Variants in AZIN1 observed in about 807,000 individuals in gnomAD.
AZIN1 encodes the protein ornithine decarboxylase antizyme inhibitor.
Under a neutral mutation model 47.4 loss-of-function variants are expected in AZIN1, and 12 were observed. The ratio of observed to expected loss-of-function variants is 0.25; its 90% CI spans 0.16 to 0.41. The LOEUF is 0.41. Among genes scored for constraint, AZIN1 ranks in the 10% least tolerant of loss-of-function variants. The probability of loss-of-function intolerance (pLI) is 1.00; values close to 1 mark genes in which losing one functional copy is unlikely to be tolerated. For missense variants in AZIN1, 410 were observed against 532.4 expected (o/e 0.77, Z 2.26); for synonymous variants, 155 against 176.3 (o/e 0.88, Z 0.96).
chr8:102,853,072 GAGACCCAAA>G (rs1199203849), intron 2 of AZIN1, among the ~76,000 whole-genome samples: 1 of 152,238 alleles, frequency 6.6e-6, no homozygotes, highest in Non-Finnish European at 1.5e-5. Context: ...GGGGTATGGG[GAGACCCAAA>G]CTGGAAAACT....
At chr8:102,834,547 G>C (rs1811692110) in intron 7 of AZIN1, 119 bp downstream of exon 7, 2 of 740,548 alleles carry the variant, frequency 2.7e-6, no homozygotes, top group Admixed American at 5.7e-5. Context: ...TAATAAAAAT[G>C]AGGTGTGTGT....
chr8:102,839,924 G>A, intron 3 of AZIN1, 101 bp from the exon 4 acceptor site: 2 of 744,340 alleles, frequency 2.7e-6, no homozygotes, highest in Admixed American at 3.2e-5. Flanking sequence ...CAAATATATG[G>A]GTCAAGACAT....
At chr8:102,844,634 TA>T (rs34428083) in intron 2 of AZIN1, among the ~76,000 whole-genome samples, 18,788 of 146,222 alleles carry the variant, frequency 0.13, 1,376 homozygotes, top group Admixed American at 0.24. Flanking sequence ...CAGGTTGTTG[TA>T]AAAAAAAAAA....
At chr8:102,856,000 T>C (rs1243155802) in intron 2 of AZIN1, 2 of 152,046 alleles carry the variant, frequency 1.3e-5, no homozygotes, top group African/African-American at 2.4e-5. Context: ...CCACAATATT[T>C]CTGAAGCAAA....
rs142543030 is a variant in AZIN1, at chr8:102,858,561, T to G, written c.-233-411A>C. On this transcript the variant is annotated intron_variant, in intron 1 of 11. Transcript: ENST00000337198. ...ACAAGACTTTATATGAATAATGTACTAGCATGACCCAATAGTTTGGAACCA... is the reference window on the plus strand; with the variant it reads ...ACAAGACTTTATATGAATAATGTACGAGCATGACCCAATAGTTTGGAACCA... Among the ~76,000 whole-genome samples, 708 of 152,348 alleles carry G rather than the reference T, an allele frequency of 4.6e-3. 6 individuals are homozygous for G. The highest frequency in any genetic ancestry group is 0.016 in the African/African-American group (683 of 41,590).
intron 2 of AZIN1, among the ~76,000 whole-genome samples, chr8:102,857,580 A>C (rs76532439): frequency 6.6e-6 from 1 of 151,490 alleles, no homozygotes; most frequent in Non-Finnish European, 1.5e-5. Context: ...TACCATATAC[A>C]TATTTAGATA....
intron 3 of AZIN1, among the ~76,000 whole-genome samples, chr8:102,840,769 A>G (rs1415643780): frequency 1.3e-5 from 2 of 152,242 alleles, no homozygotes; most frequent in Non-Finnish European, 2.9e-5. Context: ...CCATGAAGAC[A>G]ATGTTACTGT....
At chr8:102,839,971 C>T (rs1812074878) in intron 3 of AZIN1, 148 bp from the exon 4 acceptor site, 1 of 477,956 alleles carries the variant, frequency 2.1e-6, no homozygotes, top group Admixed American at 4.1e-5. Context: ...AGCTTGTTAA[C>T]TAGATTTAGT....
chr8:102,829,705 A>G (rs1274341262), intron 10 of AZIN1, 116 bp downstream of exon 10: 4 of 910,676 alleles, frequency 4.4e-6, no homozygotes, highest in Non-Finnish European at 6.9e-6. Flanking sequence ...CAAATCCTCA[A>G]AAAGGACATT....
chr8:102,857,198 C>A (rs1403816093), intron 2 of AZIN1, among the ~76,000 whole-genome samples: 1 of 152,154 alleles, frequency 6.6e-6, no homozygotes, highest in Non-Finnish European at 1.5e-5. Context: ...TTTGTATTAA[C>A]ATCAAATGTT....
At chr8:102,837,241 A>T (rs1811880750) in intron 5 of AZIN1, among the ~76,000 whole-genome samples, 2 of 152,194 alleles carry the variant, frequency 1.3e-5, no homozygotes, top group Admixed American at 1.3e-4. Flanking sequence ...TTAAAAAATT[A>T]TTTCATGTGT....
rs1414071814 is a variant in AZIN1 at position 102,827,027 on chromosome 8, A to G, written c.*1540T>C. 1.3e-5 allele frequency: 2 copies of G among 152,640 alleles called. No individual in the cohort carries two copies. 9.5% of individuals were successfully genotyped at this position (152,640 alleles called of 1,614,324 possible). On this transcript the variant is annotated 3_prime_UTR_variant, in exon 12 of 12. Coordinates refer to ENST00000337198, the MANE Select transcript of AZIN1 (RefSeq NM_148174.4). The stretch of plus-strand genomic sequence containing the variant: ...GGTTTAAGAGATTTAAATTTATTAG[A>G]GATTCATGATCAATTTCTTTCCACC...
intron 2 of AZIN1, among the ~76,000 whole-genome samples, chr8:102,850,608 A>G (rs113125598): frequency 0.022 from 3,334 of 152,296 alleles, 106 homozygotes; most frequent in African/African-American, 0.074. Flanking sequence ...TAGTGATCAT[A>G]AGATCAGGTA....
chr8:102,834,888 A>AT, intron 6 of AZIN1, 141 bp from the exon 7 acceptor site: 1 of 591,934 alleles, frequency 1.7e-6, no homozygotes, highest in South Asian at 2.3e-5. Flanking sequence ...TATTAGAAGC[A>AT]TTAGCTTCTA....
intron 3 of AZIN1, 97 bp from the exon 4 acceptor site, chr8:102,839,920 TA>T: frequency 1.2e-6 from 1 of 826,538 alleles, no homozygotes; most frequent in South Asian, 2.1e-5. Flanking sequence ...TCCACAAATA[TA>T]TGGGTCAAGA....
At chr8:102,857,901 T>C in intron 2 of AZIN1, 112 bp downstream of exon 2, 1 of 396,748 alleles carries the variant, frequency 2.5e-6, no homozygotes, top group Non-Finnish European at 4.4e-6. Flanking sequence ...TAAAAGTCAC[T>C]GCACTTTAAG....
In AZIN1 at chr8:102,829,274, A is replaced by G; in HGVS notation, c.1233T>C (p.Asp411=). ...PAIYYMMSFS[D]WYEMQDAGIT... The stretch of plus-strand genomic sequence containing the variant: ...GCCTTAAAATAAAATCACCTTACCA[A>G]TCACTGAATGACATCATGTAATAAA... The change falls in exon 11 of 12, where the codon GAT becomes GAC. Residue 411 remains aspartate (D), a splice_region_variant and synonymous_variant. Coordinates refer to ENST00000337198, the MANE Select transcript of AZIN1 (RefSeq NM_148174.4). The G allele has an allele frequency of 9.9e-6, 16 of 1,611,058 alleles. No homozygotes were observed. Among genetic ancestry groups the G allele is most frequent in the Non-Finnish European group, 1.3e-5 (15 of 1,178,206 alleles).
In AZIN1 at chr8:102,834,089, G is replaced by A. The variant is rs1009504461; in HGVS notation, c.741+100C>T. ...CATAATTTTAAAGAGATGTTATAGG[G>A]TTTAGTTTCTGCCATTGTAAAAATC... On this transcript the variant is annotated intron_variant, in intron 8 of 11. Coordinates refer to ENST00000337198, the MANE Select transcript of AZIN1 (RefSeq NM_148174.4). 4.4e-6 allele frequency: 4 copies of A among 911,682 alleles called. No individual in the cohort carries two copies. The African/African-American group carries it at 5.0e-5, about 11-fold the overall frequency. 56.5% of individuals were successfully genotyped at this position (911,682 alleles called of 1,614,324 possible).
At chr8:102,862,974 C>G (rs1441940506) in intron 1 of AZIN1, among the ~76,000 whole-genome samples, 1 of 152,252 alleles carries the variant, frequency 6.6e-6, no homozygotes, top group African/African-American at 2.4e-5. Flanking sequence ...CAATCTCCCT[C>G]TTTCTGCCTA....
Sources: allele counts gnomAD v4.1 joint callset (sites outside exome capture counted in the v4.1 genomes callset), GRCh38; gene constraint gnomAD v4.1.1; transcripts MANE v1.5; gene names NCBI Gene and HGNC (gene_info 2026-07-23, HGNC 2026-07-21).